The following RBM27 variants were observed in gnomAD, a reference collection of about 807,000 sequenced individuals.
RBM27 encodes the protein RNA binding motif protein 27.
RBM27 carries 22 observed loss-of-function variants against 135.3 expected under a neutral mutation model. That is an observed-to-expected ratio of 0.16 (90% CI 0.12 to 0.23). The LOEUF is 0.23. Ranked by LOEUF, RBM27 falls within the 10% of genes least tolerant of loss-of-function variation. RBM27 has a pLI of 1.00. For synonymous variants in RBM27, 481 were observed against 442.4 expected, an observed-to-expected ratio of 1.09 and a Z score of -1.10; for missense variants, 1,009 against 1,281.0, an observed-to-expected ratio of 0.79 and a Z score of 3.24.
In RBM27 at chr5:146,222,453, G is replaced by T. The variant is rs188716786; in HGVS notation, c.179-950G>T. 7.2e-4 allele frequency among the ~76,000 whole-genome samples: 110 copies of T among 152,344 alleles called. 1 individual carries two copies. In the East Asian group the frequency reaches 0.018, roughly 25 times the overall value. ...AATCCCAGCACTTTGGGAGGCCGAG[G>T]CAGGCAGATCACCTGAGGTCAGGTG... On this transcript the variant is annotated intron_variant, in intron 2 of 20. Coordinates refer to ENST00000265271, the MANE Select transcript of RBM27 (RefSeq NM_018989.2).
chr5:146,283,555 G>A (rs762336838), intron 19 of RBM27, among the ~76,000 whole-genome samples: 5 of 151,850 alleles, frequency 3.3e-5, no homozygotes, highest in Non-Finnish European at 7.4e-5. Flanking sequence ...AAAAAAAAAG[G>A]TACATATCTA....
chr5:146,212,306 G>A (rs1755997861), intron 1 of RBM27, among the ~76,000 whole-genome samples: 1 of 151,240 alleles, frequency 6.6e-6, no homozygotes, highest in African/African-American at 2.4e-5. Flanking sequence ...CACCCGCCTT[G>A]GCCTCCCAAA....
chr5:146,228,444 G>A (rs981081262), intron 3 of RBM27, among the ~76,000 whole-genome samples: 1 of 151,670 alleles, frequency 6.6e-6, no homozygotes. Flanking sequence ...ACCACACGTG[G>A]CTAATTTTTG....
At chr5:146,275,457 C>T (rs1379735553) in intron 19 of RBM27, among the ~76,000 whole-genome samples, 4 of 151,580 alleles carry the variant, frequency 2.6e-5, no homozygotes, top group African/African-American at 9.7e-5. Flanking sequence ...TTAGTAGAGA[C>T]GGGTTTCACC....
At chr5:146,215,731 TAGCC>T (rs920259396) in intron 1 of RBM27, among the ~76,000 whole-genome samples, 1 of 152,136 alleles carries the variant, frequency 6.6e-6, no homozygotes, top group Non-Finnish European at 1.5e-5. Flanking sequence ...GTTTATAGAA[TAGCC>T]AGGGTAAGCA....
chr5:146,208,250 G>A lies in RBM27; in HGVS notation c.59+4426G>A, dbSNP rs117259215. 3.3e-3 allele frequency among the ~76,000 whole-genome samples: 496 copies of A among 152,242 alleles called. 27 individuals carry two copies. In the East Asian group the frequency reaches 0.077, roughly 24 times the overall value. ...ATTACAGGCGTGAGCCACTGCGCCCGGCCAACAGGAGGTATTTCTAAACCA... is the reference window on the plus strand; with the variant it reads ...ATTACAGGCGTGAGCCACTGCGCCCAGCCAACAGGAGGTATTTCTAAACCA... On this transcript the variant is annotated intron_variant, in intron 1 of 20. Transcript: ENST00000265271.
At position 146,267,640 on chromosome 5, in the gene RBM27, A is replaced by AT; in HGVS notation, c.2332-3dup. On this transcript the variant is annotated splice_polypyrimidine_tract_variant and intron_variant, in intron 14 of 20. Transcript: ENST00000265271. ...TTGTGTGTGCTTTTTTTTTTTCTTT[A>AT]TTTTTTAGATATTTTCAACTCCAGG... 4.1e-6 allele frequency: 6 copies of AT among 1,464,276 alleles called. No individual in the cohort carries two copies. The highest frequency in any genetic ancestry group is 5.5e-6 in the Non-Finnish European group (6 of 1,087,520). The allele number at this position is 1,464,276 out of a possible 1,614,324, so 90.7% of individuals were successfully genotyped here.
chr5:146,242,344 A>G (rs1757440867), intron 8 of RBM27, among the ~76,000 whole-genome samples: 1 of 152,226 alleles, frequency 6.6e-6, no homozygotes, highest in Non-Finnish European at 1.5e-5. Context: ...TTACTGCTTT[A>G]GAGGATTGTC....
chr5:146,275,615 AT>A (rs1469672109), intron 19 of RBM27, among the ~76,000 whole-genome samples: 1 of 152,128 alleles, frequency 6.6e-6, no homozygotes, highest in East Asian at 1.9e-4. Flanking sequence ...ACCTATCTTT[AT>A]TTCACAGAAA....
intron 2 of RBM27, among the ~76,000 whole-genome samples, chr5:146,219,536 A>G (rs1180130958): frequency 6.6e-6 from 1 of 152,140 alleles, no homozygotes; most frequent in Non-Finnish European, 1.5e-5. Flanking sequence ...TTAACTTTTC[A>G]TCTTCTTACC....
intron 1 of RBM27, 143 bp downstream of exon 1, chr5:146,203,967 C>T (rs1252000003): frequency 3.7e-6 from 3 of 821,106 alleles, no homozygotes; most frequent in Non-Finnish European, 5.4e-6. Context: ...GTAGTACTAT[C>T]ACCATTGTGG....
intron 19 of RBM27, among the ~76,000 whole-genome samples, chr5:146,272,807 C>A (rs1758925744): frequency 1.3e-5 from 2 of 152,022 alleles, no homozygotes; most frequent in South Asian, 2.1e-4. Context: ...AGTTTGATGC[C>A]CATTAACCCT....
intron 3 of RBM27, among the ~76,000 whole-genome samples, chr5:146,226,547 T>A (rs940207220): frequency 1.3e-5 from 2 of 151,756 alleles, no homozygotes; most frequent in Non-Finnish European, 2.9e-5. Flanking sequence ...CCTGGCTAAT[T>A]TTTTTGTATT....
intron 19 of RBM27, among the ~76,000 whole-genome samples, chr5:146,281,261 G>A (rs1759341645): frequency 6.6e-6 from 1 of 152,146 alleles, no homozygotes; most frequent in Non-Finnish European, 1.5e-5. Flanking sequence ...CTAAGTGCAA[G>A]GCTGTGATAT....
intron 10 of RBM27, 113 bp from the exon 11 acceptor site, chr5:146,258,336 A>T (rs1382939936): frequency 2.1e-5 from 16 of 767,142 alleles, no homozygotes; most frequent in Non-Finnish European, 3.0e-5. Flanking sequence ...GCATTTCTAA[A>T]AGAGAAATGA....
intron 12 of RBM27, 181 bp from the exon 13 acceptor site, chr5:146,261,329 C>T (rs576895196): frequency 3.2e-6 from 2 of 628,702 alleles, no homozygotes; most frequent in East Asian, 2.7e-5. Context: ...TTAGGATGCA[C>T]CTTTGTGACC....
chr5:146,236,650 G>A (rs1184266997), intron 7 of RBM27, among the ~76,000 whole-genome samples: 1 of 152,008 alleles, frequency 6.6e-6, no homozygotes, highest in Non-Finnish European at 1.5e-5. Flanking sequence ...TTAAGATGAA[G>A]TCTTTCTCTG....
rs1435693372 is a variant in RBM27, at chr5:146,209,206, T to C, written c.59+5382T>C. Among the ~76,000 whole-genome samples the C allele has an allele frequency of 2.6e-5, 4 of 152,236 alleles. No homozygotes were observed. In the East Asian group the frequency reaches 7.7e-4, roughly 29 times the overall value. On this transcript the variant is annotated intron_variant, in intron 1 of 20. Transcript: ENST00000265271. ...AAATGTAAACAACATTTTATGGTTT[T>C]TGGAATATGAAAATACATGAAACTT...
chr5:146,281,073 T>A (rs547746851), intron 19 of RBM27, among the ~76,000 whole-genome samples: 18 of 151,990 alleles, frequency 1.2e-4, no homozygotes, highest in Non-Finnish European at 4.4e-5. Flanking sequence ...GTTGGCCAGG[T>A]TGGTCTCAAA....
Sources: allele counts gnomAD v4.1 joint callset (sites outside exome capture counted in the v4.1 genomes callset), GRCh38; gene constraint gnomAD v4.1.1; transcripts MANE v1.5; gene names NCBI Gene and HGNC (gene_info 2026-07-23, HGNC 2026-07-21).